PDCD2: variants seen among roughly 807,000 people sequenced by gnomAD.
The protein encoded by PDCD2 is programmed cell death 2, also known as uS5 assembly chaperone PDCD2.
PDCD2 carries 38 observed loss-of-function variants against 38.1 expected under a neutral mutation model. The ratio of observed to expected loss-of-function variants is 1.00; its 90% CI spans 0.77 to 1.31. PDCD2 has a LOEUF of 1.31. Ranked by LOEUF, PDCD2 falls within the 50% of genes most tolerant of loss-of-function variation. The pLI is 0.00. For missense variants in PDCD2, 473 were observed against 435.7 expected (o/e 1.09, Z -0.76); for synonymous variants, 205 against 168.9 (o/e 1.21, Z -1.66).
At chr6:170,580,871 C>G (rs1779575568) in intron 3 of PDCD2, among the ~76,000 whole-genome samples, 1 of 152,156 alleles carries the variant, frequency 6.6e-6, no homozygotes, top group African/African-American at 2.4e-5. Flanking sequence ...GTCAGAGAAG[C>G]TAAAATAACT....
At chr6:170,578,300 A>G (rs1007444960) in intron 5 of PDCD2, among the ~76,000 whole-genome samples, 5 of 152,182 alleles carry the variant, frequency 3.3e-5, no homozygotes, top group East Asian at 1.9e-4. Context: ...AAACAAACCA[A>G]TATTAGCTAT....
intron 1 of PDCD2, chr6:170,583,969 C>G: frequency 5.4e-6 from 3 of 553,746 alleles, no homozygotes; most frequent in Non-Finnish European, 9.5e-6. Flanking sequence ...TAAGACTGAT[C>G]GTTAAGAACG....
chr6:170,579,026 A>G (rs372489786), intron 4 of PDCD2, 56 bp from the exon 5 acceptor site: 9 of 1,049,892 alleles, frequency 8.6e-6, no homozygotes, highest in East Asian at 7.1e-5. Context: ...TAAGTTGCCA[A>G]TGGTAACATG....
intron 4 of PDCD2, 189 bp downstream of exon 4, chr6:170,579,813 T>A: frequency 1.9e-6 from 1 of 536,054 alleles, no homozygotes; most frequent in Non-Finnish European, 3.3e-6. Flanking sequence ...ATTAAATGGA[T>A]CAGCACTGCA....
At chr6:170,582,873 C>T in intron 3 of PDCD2, 184 bp downstream of exon 3, 8 of 1,417,132 alleles carry the variant, frequency 5.6e-6, no homozygotes, top group Non-Finnish European at 7.3e-6. Flanking sequence ...GCAGAACACA[C>T]CTCTTATGTG....
rs1248508950 is a variant in PDCD2, at chr6:170,575,569, T to G, written c.*1990A>C. 14 of 152,222 alleles carry G rather than the reference T, an allele frequency of 9.2e-5. No individual in the cohort carries two copies. Among genetic ancestry groups the G allele is most frequent in the Non-Finnish European group, 1.8e-4 (12 of 68,024 alleles). The allele number at this position is 152,222 out of a possible 1,614,324, so 9.4% of individuals were successfully genotyped here. On this transcript the variant is annotated 3_prime_UTR_variant, in exon 6 of 6. Transcript: ENST00000541970. ...GTAGTGTTTTAAAATGTCTTCACAT[T>G]TCTAAAGGCAACTTGCTTAATGCAT...
chr6:170,582,698 A>G, intron 3 of PDCD2: 11 of 1,214,628 alleles, frequency 9.1e-6, no homozygotes, highest in Non-Finnish European at 1.1e-5. Context: ...GATGAAAGAG[A>G]AACTTTTAAG....
Position 170,584,611 on chromosome 6 carries a change from C to T in PDCD2, c.-30G>A. ...GGCGCGGGCTGGCGTGGGGCGCAGCCCACAGCTGGGTCGGAAGGCGGAAAT... is the reference window on the plus strand; with the variant it reads ...GGCGCGGGCTGGCGTGGGGCGCAGCTCACAGCTGGGTCGGAAGGCGGAAAT... On this transcript the variant is annotated 5_prime_UTR_variant, in exon 1 of 6. Coordinates refer to ENST00000541970, the MANE Select transcript of PDCD2 (RefSeq NM_002598.4). 1 of 1,210,338 alleles carries T rather than the reference C, an allele frequency of 8.3e-7. No homozygotes were observed. The highest frequency in any genetic ancestry group is 3.0e-5 in the South Asian group (1 of 32,986). 75.0% of individuals were successfully genotyped at this position (1,210,338 alleles called of 1,614,324 possible).
rs968678557 is a variant in PDCD2, at chr6:170,576,249, C to T, written c.*1310G>A. The T allele has an allele frequency of 6.6e-6, 1 of 152,176 alleles. No homozygotes were observed. The highest frequency in any genetic ancestry group is 2.4e-5 in the African/African-American group (1 of 41,430). The allele number at this position is 152,176 out of a possible 1,614,324, so 9.4% of individuals were successfully genotyped here. On this transcript the variant is annotated 3_prime_UTR_variant, in exon 6 of 6. Coordinates refer to ENST00000541970, the MANE Select transcript of PDCD2 (RefSeq NM_002598.4). ...TATCTTATACAATTAATACAAATTG[C>T]ATATGTATACTTATATAATATGGAC...
At chr6:170,581,996 G>C in intron 3 of PDCD2, 1 of 876,828 alleles carries the variant, frequency 1.1e-6, no homozygotes, top group Non-Finnish European at 1.6e-6. Context: ...AGGCATATTT[G>C]AAGTCCAGCT....
Position 170,577,346 on chromosome 6 carries a change from C to A in PDCD2, c.*213G>T. ...GTCAATATAGGTGTTATAATTAAGA[C>A]TGTGTAGCCTTCCTCTGTGGATGTA... On this transcript the variant is annotated 3_prime_UTR_variant, in exon 6 of 6. Transcript: ENST00000541970. 2.0e-6 allele frequency: 1 copy of A among 506,078 alleles called. No individual in the cohort carries two copies. The highest frequency in any genetic ancestry group is 3.3e-5 in the East Asian group (1 of 30,706). The allele number at this position is 506,078 out of a possible 1,614,324, so 31.3% of individuals were successfully genotyped here.
chr6:170,580,955 C>G (rs1779578008), intron 3 of PDCD2: 2 of 152,124 alleles, frequency 1.3e-5, no homozygotes, highest in African/African-American at 4.8e-5. Context: ...GTGTAGGATG[C>G]CTTCAGATTG....
chr6:170,579,140 T>C, intron 4 of PDCD2, 170 bp from the exon 5 acceptor site: 1 of 567,706 alleles, frequency 1.8e-6, no homozygotes, highest in South Asian at 2.4e-5. Context: ...CACTAATGCC[T>C]TCTCAATCAC....
At position 170,583,134 on chromosome 6, in the gene PDCD2, A is replaced by G. The variant is rs1779667252; in HGVS notation, c.581T>C (p.Ile194Thr). The G allele has an allele frequency of 1.2e-6, 2 of 1,613,196 alleles. No individual in the cohort carries two copies. Among genetic ancestry groups the G allele is most frequent in the Non-Finnish European group, 1.7e-6 (2 of 1,179,704 alleles). ...AATCTCATCTTCTGTTTCTATTACA[A>G]TTTCAAATTCTGGAAAAAGGAAGTT... ...DHNFLFPEFE[I>T]VIETEDEIMP... The change falls in exon 3 of 6, where the codon ATT becomes ACT. Residue 194 changes from isoleucine (I) to threonine (T), a missense_variant. Coordinates refer to ENST00000541970, the MANE Select transcript of PDCD2 (RefSeq NM_002598.4).
At chr6:170,578,748 T>C in intron 5 of PDCD2, 109 bp downstream of exon 5, 1 of 767,374 alleles carries the variant, frequency 1.3e-6, no homozygotes, top group Non-Finnish European at 2.4e-6. Flanking sequence ...AGGGTACCCT[T>C]CCATACTGCC....
chr6:170,584,500 G>A lies in PDCD2; in HGVS notation c.82C>T (p.Pro28Ser), dbSNP rs773036976. The A allele has an allele frequency of 2.2e-4, 304 of 1,357,008 alleles. No homozygotes were observed. The highest frequency in any genetic ancestry group is 2.7e-4 in the Middle Eastern group (1 of 3,644). The allele number at this position is 1,357,008 out of a possible 1,614,324, so 84.1% of individuals were successfully genotyped here. The change falls in exon 1 of 6, where the codon CCC (proline) becomes TCC (serine). Residue 28 changes from proline to serine, a missense_variant. Pro to Ser is a moderately conservative substitution (Grantham distance 74). Transcript: ENST00000541970. Reference sequence around the variant, plus strand: ...GCCGGCCGCCCGCCCACCTTGCTGGGGAACTGCTCGCTGCGCAGTCGCCAC... The same window carrying A: ...GCCGGCCGCCCGCCCACCTTGCTGGAGAACTGCTCGCTGCGCAGTCGCCAC... ...PAWRLRSEQF[P>S]SKVGGRPAWL...
rs1779691250 is a variant in PDCD2 at position 170,583,596 on chromosome 6, C to CCGT, written c.434_435insACG (p.Thr145_Cys146insArg). On this transcript the variant is annotated inframe_insertion, in exon 2 of 6. Transcript: ENST00000541970. ...AATATGCTTTGTGGCATCTGGAGCA[C>CCGT]GTTTTGGGGCCTAAACAGCCACAAA... The CCGT allele has an allele frequency of 6.2e-7, 1 of 1,613,816 alleles. No homozygotes were observed. The highest frequency in any genetic ancestry group is 8.5e-7 in the Non-Finnish European group (1 of 1,179,888).
Position 170,584,485 on chromosome 6 carries a change from CG to C in PDCD2, c.96del (p.Arg34GlyfsTer108). On this transcript the variant is annotated frameshift_variant, in exon 1 of 6. Transcript: ENST00000541970. LOFTEE classifies it high-confidence loss of function. ...LRSEQFPSKVGGRPAWLGAAG... is the reference protein window; with the variant it reads ...LRSEQFPSKVXGRPAWLGAAG... ...GCCGCGCCCAGCCATGCCGGCCGCC[CG>C]CCCACCTTGCTGGGGAACTGCTCGC... The C allele has an allele frequency of 7.6e-7, 1 of 1,321,098 alleles. No individual in the cohort carries two copies. Among genetic ancestry groups the C allele is most frequent in the Non-Finnish European group, 9.6e-7 (1 of 1,042,272 alleles). The allele number at this position is 1,321,098 out of a possible 1,614,324, so 81.8% of individuals were successfully genotyped here. A position where few individuals can be genotyped will look rare whatever the true frequency, so the allele number is the denominator to read the frequency against.
Position 170,580,041 on chromosome 6 carries a change from A to G in PDCD2, c.723T>C (p.Phe241=), listed in dbSNP as rs1779551327. Residue 241 remains phenylalanine, a synonymous_variant, in exon 4 of 6, where the codon TTT becomes TTC. Coordinates refer to ENST00000541970, the MANE Select transcript of PDCD2 (RefSeq NM_002598.4). Reference sequence around the variant, plus strand: ...GGGCTATCTGAGTTTTAAACTTCTGAAAAATTTTATCTTCCCTGGATTCAT... The same window carrying G: ...GGGCTATCTGAGTTTTAAACTTCTGGAAAATTTTATCTTCCCTGGATTCAT... ...AKHESREDKI[F]QKFKTQIALE... 6.2e-7 allele frequency: 1 copy of G among 1,611,628 alleles called. No homozygotes were observed. The highest frequency in any genetic ancestry group is 1.3e-5 in the African/African-American group (1 of 74,984).
Sources: allele counts gnomAD v4.1 joint callset (sites outside exome capture counted in the v4.1 genomes callset), GRCh38; gene constraint gnomAD v4.1.1; transcripts MANE v1.5; gene names NCBI Gene and HGNC (gene_info 2026-07-23, HGNC 2026-07-21).